MALRD1: variants seen among roughly 807,000 people sequenced by gnomAD.
MALRD1 encodes the protein MAM and LDL-receptor class A domain-containing protein 1.
MALRD1 carries 247 observed loss-of-function variants against 242.1 expected under a neutral mutation model. The ratio of observed to expected loss-of-function variants is 1.02; its 90% CI spans 0.92 to 1.13. The LOEUF (loss-of-function observed/expected upper bound fraction) is 1.13. Ranked by LOEUF, MALRD1 falls within the 50% of genes most tolerant of loss-of-function variation. The pLI is 0.00. For synonymous variants in MALRD1, 995 were observed against 866.6 expected (o/e 1.15, Z -2.60); for missense variants, 2,989 against 2,533.1 (o/e 1.18, Z -3.86).
chr10:19,418,482 G>A (rs1454289711), intron 28 of MALRD1, among the ~76,000 whole-genome samples: 3 of 152,092 alleles, frequency 2.0e-5, no homozygotes, highest in African/African-American at 7.2e-5. Context: ...CCACTGCTAT[G>A]CCTGACATGT....
intron 38 of MALRD1, among the ~76,000 whole-genome samples, chr10:19,697,005 T>C (rs1833410473): frequency 1.3e-5 from 2 of 152,162 alleles, no homozygotes; most frequent in Non-Finnish European, 2.9e-5. Flanking sequence ...CAAACATGAA[T>C]GAGAAGCAGT....
At chr10:19,295,784 G>T (rs1185019915) in intron 21 of MALRD1, among the ~76,000 whole-genome samples, 3 of 152,138 alleles carry the variant, frequency 2.0e-5, no homozygotes, top group African/African-American at 7.2e-5. Context: ...CACCTGTGCT[G>T]TATTCTCAAG....
chr10:19,050,659 A>G (rs1834465774), intron 1 of MALRD1, among the ~76,000 whole-genome samples: 1 of 152,150 alleles, frequency 6.6e-6, no homozygotes, highest in Admixed American at 6.5e-5. Context: ...CCAAGGGCAA[A>G]GATTCATTTG....
At chr10:19,194,326 A>AT (rs1361724452) in intron 14 of MALRD1, among the ~76,000 whole-genome samples, 1 of 152,050 alleles carries the variant, frequency 6.6e-6, no homozygotes, top group African/African-American at 2.4e-5. Context: ...TTTTTGTAAT[A>AT]TTTTTCATAG....
chr10:19,587,363 T>C (rs945737737), intron 33 of MALRD1, among the ~76,000 whole-genome samples: 17 of 152,230 alleles, frequency 1.1e-4, no homozygotes, highest in African/African-American at 3.9e-4. Flanking sequence ...TCTATATCAC[T>C]GCGTATGACA....
chr10:19,147,857 A>C (rs1833779423), intron 11 of MALRD1, among the ~76,000 whole-genome samples: 1 of 152,192 alleles, frequency 6.6e-6, no homozygotes, highest in Admixed American at 6.5e-5. Context: ...GACGGAACCA[A>C]AGAGAGGTGG....
chr10:19,048,832 T>C lies in MALRD1; in HGVS notation c.-107T>C. 1.2e-6 allele frequency: 1 copy of C among 865,826 alleles called. No individual in the cohort carries two copies. Among genetic ancestry groups the C allele is most frequent in the Non-Finnish European group, 1.5e-6 (1 of 653,784 alleles). 53.6% of individuals were successfully genotyped at this position (865,826 alleles called of 1,614,324 possible). ...GCAGATAGTTACCAATAGTATCCAG[T>C]TATAAGAAGCAAATCTGGGAAAGGA... On this transcript the variant is annotated 5_prime_UTR_variant, in exon 1 of 40. Coordinates refer to ENST00000454679, the MANE Select transcript of MALRD1 (RefSeq NM_001142308.3).
intron 38 of MALRD1, among the ~76,000 whole-genome samples, chr10:19,712,536 G>A (rs2131876999): frequency 6.6e-6 from 1 of 152,232 alleles, no homozygotes; most frequent in East Asian, 1.9e-4. Flanking sequence ...AGGCTGTTAA[G>A]TTTAAATTGT....
chr10:19,494,185 A>C (rs992698342), intron 30 of MALRD1, among the ~76,000 whole-genome samples: 7 of 152,130 alleles, frequency 4.6e-5, no homozygotes, highest in African/African-American at 1.7e-4. Context: ...TTGCTAGCAT[A>C]CCCTCCATCA....
chr10:19,413,984 AT>A (rs143814502), intron 28 of MALRD1, among the ~76,000 whole-genome samples: 3,458 of 150,596 alleles, frequency 0.023, 53 homozygotes, highest in African/African-American at 0.035. Context: ...AAAAACAATG[AT>A]TTTTACCAAT....
chr10:19,531,344 T>G lies in MALRD1; in HGVS notation c.5471T>G (p.Ile1824Arg). Residue 1824 changes from isoleucine to arginine, a missense_variant, in exon 32 of 40, where the codon ATA (isoleucine) becomes AGA (arginine). Coordinates refer to ENST00000454679, the MANE Select transcript of MALRD1 (RefSeq NM_001142308.3). Reference sequence around the variant, plus strand: ...ATGATTGATCCCAGGAGTATGGGAATATTAAAGGTACAAAAGGAAGCCAGA... The same window carrying G: ...ATGATTGATCCCAGGAGTATGGGAAGATTAAAGGTACAAAAGGAAGCCAGA... ...FYMIDPRSMG[I>R]LKVYTIEESG... is the part of the protein sequence containing the mutation. 1 of 1,536,810 alleles carries G rather than the reference T, an allele frequency of 6.5e-7. No individual in the cohort carries two copies. The highest frequency in any genetic ancestry group is 1.2e-5 in the South Asian group (1 of 82,270).
In MALRD1 at chr10:19,049,637, G is replaced by A. The variant is rs138177966; in HGVS notation, c.199+500G>A. Among the ~76,000 whole-genome samples the A allele has an allele frequency of 2.6e-5, 4 of 152,292 alleles. No homozygotes were observed. In the East Asian group the frequency reaches 7.7e-4, roughly 29 times the overall value. On this transcript the variant is annotated intron_variant, in intron 1 of 39. Transcript: ENST00000454679. ...CTCTGGCTTTTGTCCTTTGATTTCA[G>A]AGTAGTAGAAGGGCACAAGCTTCAG...
rs553239658 is a variant in MALRD1, at chr10:19,209,546, C to T, written c.2857C>T (p.Arg953Cys). 1.7e-5 allele frequency: 27 copies of T among 1,550,640 alleles called. No individual in the cohort carries two copies. The highest frequency in any genetic ancestry group is 4.9e-5 in the East Asian group (2 of 40,936). Residue 953 changes from arginine to cysteine, a missense_variant, in exon 18 of 40, where the codon CGC (arginine) becomes TGC (cysteine). By Grantham distance (180) the Arg-to-Cys change is radical (BLOSUM62 -3). Transcript: ENST00000454679. The part of the protein sequence containing the change: ...FRFYYHMFGK[R>C]IYRLAIYQRI... ...CTTCTATTACCACATGTTTGGAAAGCGCATTTATAGGTTGGCAATCTACCA... is the reference window on the plus strand; with the variant it reads ...CTTCTATTACCACATGTTTGGAAAGTGCATTTATAGGTTGGCAATCTACCA...
chr10:19,400,035 C>G (rs2130850014), intron 28 of MALRD1, among the ~76,000 whole-genome samples: 1 of 152,294 alleles, frequency 6.6e-6, no homozygotes, highest in Middle Eastern at 3.4e-3. Context: ...GAGTTTCCAG[C>G]TCCTTCCCAA....
intron 21 of MALRD1, among the ~76,000 whole-genome samples, chr10:19,306,123 G>GA: frequency 8.9e-6 from 1 of 112,880 alleles, no homozygotes; most frequent in Non-Finnish European, 1.7e-5. Context: ...ATACTATCTA[G>GA]TATATATAGT....
intron 2 of MALRD1, among the ~76,000 whole-genome samples, chr10:19,071,936 G>A (rs1255975780): frequency 2.0e-5 from 3 of 151,902 alleles, no homozygotes; most frequent in East Asian, 1.9e-4. Flanking sequence ...GTATTGCTCC[G>A]CATGCTCTTC....
chr10:19,401,965 A>G lies in MALRD1; in HGVS notation c.4845+12356A>G, dbSNP rs374217694. On this transcript the variant is annotated intron_variant, in intron 28 of 39. Coordinates refer to ENST00000454679, the MANE Select transcript of MALRD1 (RefSeq NM_001142308.3). The stretch of plus-strand genomic sequence containing the variant: ...TGATACTTACATAAACCCAACAAGA[A>G]TAATTAAATATTGAAGAATGAGACT... Among the ~76,000 whole-genome samples the G allele has an allele frequency of 1.4e-4, 22 of 152,338 alleles. No homozygotes were observed. In the East Asian group the frequency reaches 3.5e-3, roughly 24 times the overall value.
At chr10:19,487,082 T>G (rs182660174) in intron 29 of MALRD1, among the ~76,000 whole-genome samples, 17 of 152,278 alleles carry the variant, frequency 1.1e-4, no homozygotes, top group African/African-American at 3.1e-4. Flanking sequence ...ATATTCTAGT[T>G]TTTTCATATG....
intron 36 of MALRD1, among the ~76,000 whole-genome samples, chr10:19,668,930 C>T (rs927950029): frequency 7.2e-5 from 11 of 152,116 alleles, no homozygotes; most frequent in African/African-American, 2.6e-4. Context: ...GAAAAATTTC[C>T]CCAGATTGGT....
Sources: allele counts gnomAD v4.1 joint callset (sites outside exome capture counted in the v4.1 genomes callset), GRCh38; gene constraint gnomAD v4.1.1; transcripts MANE v1.5; gene names NCBI Gene and HGNC (gene_info 2026-07-23, HGNC 2026-07-21).